The following USP24 variants were observed in gnomAD, a reference collection of about 807,000 sequenced individuals.
The protein encoded by USP24 is ubiquitin specific peptidase 24, also known as ubiquitin carboxyl-terminal hydrolase 24.
Under a neutral mutation model 361.6 loss-of-function variants are expected in USP24, and 97 were observed. The observed-to-expected ratio is 0.27, with a 90% CI of 0.23 to 0.32. The LOEUF (loss-of-function observed/expected upper bound fraction) is 0.32, where lower values mean the gene tolerates loss of function less well. USP24 is among the 10% of genes least tolerant of loss of function. USP24 has a pLI of 1.00. For synonymous variants in USP24, 1,098 were observed against 1,124.6 expected (o/e 0.98, Z 0.47); for missense variants, 2,353 against 3,165.6 (o/e 0.74, Z 6.16).
Position 55,124,605 on chromosome 1 carries a change from A to C in USP24, c.3984T>G (p.Thr1328=). Residue 1328 remains threonine (T), a synonymous_variant, in exon 35 of 68, where the codon ACT becomes ACG. Coordinates refer to ENST00000294383, the MANE Select transcript of USP24 (RefSeq NM_015306.3). ...ATCTCATGAAGCAAGCCACAGTAGA[A>C]GTGAAATCACTTACTTCCATTGTCT... The part of the protein sequence containing the change: ...AIQTMEVSDF[T]STVACFMRLS... 1 of 1,613,992 alleles carries C rather than the reference A, an allele frequency of 6.2e-7. No individual in the cohort carries two copies. Among genetic ancestry groups the C allele is most frequent in the African/African-American group, 1.3e-5 (1 of 75,056 alleles).
rs1267051286 is a variant in USP24, at chr1:55,134,392, C to T, written c.3223G>A (p.Val1075Met). ...MEQEKSLPGV[V>M]MALVCNVFDM... Reference sequence around the variant, plus strand: ...AATACGTTACATACGAGAGCCATCACTACACCAGGGAGGGATTTCTCCTGA... The same window carrying T: ...AATACGTTACATACGAGAGCCATCATTACACCAGGGAGGGATTTCTCCTGA... Residue 1075 changes from valine (V) to methionine (M), a missense_variant, in exon 29 of 68, where the codon GTG becomes ATG. This residue lies in a region of USP24 where 949 missense variants were observed against 1,280.5 expected (regional missense o/e 0.74). Coordinates refer to ENST00000294383, the MANE Select transcript of USP24 (RefSeq NM_015306.3). The T allele has an allele frequency of 6.2e-7, 1 of 1,611,976 alleles. No homozygotes were observed. The highest frequency in any genetic ancestry group is 1.7e-5 in the Admixed American group (1 of 59,888).
At chr1:55,106,850 C>A (rs1463230517) in intron 40 of USP24, among the ~76,000 whole-genome samples, 1 of 152,086 alleles carries the variant, frequency 6.6e-6, no homozygotes, top group Non-Finnish European at 1.5e-5. Context: ...CTCATATGTA[C>A]CCCACCACTG....
At chr1:55,088,341 T>C (rs554718703) in intron 55 of USP24, among the ~76,000 whole-genome samples, 1 of 152,322 alleles carries the variant, frequency 6.6e-6, no homozygotes, top group Non-Finnish European at 1.5e-5. Flanking sequence ...CTGAATTCCC[T>C]GTTGTGTGTT....
chr1:55,106,189 G>A lies in USP24; in HGVS notation c.4837C>T (p.Pro1613Ser). The change falls in exon 41 of 68, where the codon CCA becomes TCA. Residue 1613 changes from proline (P) to serine (S), a missense_variant. Physicochemically the swap from Pro to Ser is moderately conservative, Grantham distance 74. Transcript: ENST00000294383. ...ASRIILNSHS[P>S]AGSAAISQQD... The stretch of plus-strand genomic sequence containing the variant: ...TGACTGATGGCGGCACTGCCAGCTG[G>A]AGAATGACTATTTAAAATAATTCTA... 6.2e-7 allele frequency: 1 copy of A among 1,613,988 alleles called. No individual in the cohort carries two copies.
At chr1:55,106,024 G>A (rs1645762970) in intron 41 of USP24, 122 bp downstream of exon 41, 2 of 782,942 alleles carry the variant, frequency 2.6e-6, no homozygotes, top group African/African-American at 3.5e-5. Flanking sequence ...TCATTTAGTG[G>A]ATAATATAGG....
At chr1:55,163,589 A>AT (rs1446840973) in intron 7 of USP24, among the ~76,000 whole-genome samples, 1 of 152,092 alleles carries the variant, frequency 6.6e-6, no homozygotes, top group Non-Finnish European at 1.5e-5. Context: ...AACATTAAAG[A>AT]TTGAAAATAT....
chr1:55,166,585 C>A lies in USP24; in HGVS notation c.844G>T (p.Val282Leu). The A allele has an allele frequency of 3.8e-6, 6 of 1,594,574 alleles. No individual in the cohort carries two copies. The highest frequency in any genetic ancestry group is 5.1e-6 in the Non-Finnish European group (6 of 1,170,084). ...TFQKEPHGWV[V>L]DLVNKFGELG... ...TCATATACCTTATTTACCAAATCCA[C>A]AACCCATCCATGAGGCTCCTATGAG... The change falls in exon 6 of 68, where the codon GTG becomes TTG. Residue 282 changes from valine (V) to leucine (L), a missense_variant. Val to Leu is a conservative substitution (Grantham distance 32). This residue lies in a region of USP24 where 386 missense variants were observed against 560.5 expected (regional missense o/e 0.69). Coordinates refer to ENST00000294383, the MANE Select transcript of USP24 (RefSeq NM_015306.3).
At chr1:55,147,539 T>C (rs934672411) in intron 18 of USP24, 110 bp downstream of exon 18, 21 of 1,187,716 alleles carry the variant, frequency 1.8e-5, no homozygotes, top group Non-Finnish European at 2.3e-5. Context: ...CAAAGATACC[T>C]CATACAACCT....
chr1:55,096,950 A>G lies in USP24; in HGVS notation c.5936+2T>C. 1 of 1,612,616 alleles carries G rather than the reference A, an allele frequency of 6.2e-7. No homozygotes were observed. The highest frequency in any genetic ancestry group is 8.5e-7 in the Non-Finnish European group (1 of 1,179,222). On this transcript the variant is annotated splice_donor_variant, in intron 49 of 67. Coordinates refer to ENST00000294383, the MANE Select transcript of USP24 (RefSeq NM_015306.3). LOFTEE classifies it high-confidence loss of function. Reference sequence around the variant, plus strand: ...GTAAGTGCTGCCTCAGGAAACTCTTACCGCCTGTCCTTAATGAAGGAATAG... The same window carrying G: ...GTAAGTGCTGCCTCAGGAAACTCTTGCCGCCTGTCCTTAATGAAGGAATAG...
In USP24 at chr1:55,193,052, G is replaced by A. The variant is rs147830519; in HGVS notation, c.325-14920C>T. Among the ~76,000 whole-genome samples the A allele has an allele frequency of 3.2e-3, 492 of 152,246 alleles. 2 individuals carry two copies. Among genetic ancestry groups the A allele is most frequent in the African/African-American group, 0.012 (483 of 41,542 alleles). On this transcript the variant is annotated intron_variant, in intron 1 of 67. Coordinates refer to ENST00000294383, the MANE Select transcript of USP24 (RefSeq NM_015306.3). ...GTTGCATTTGTATTGAACGGATCTA[G>A]ACATTTTTTTCTTGTCATTAGTCCT...
intron 30 of USP24, 27 bp from the exon 31 acceptor site, chr1:55,132,727 T>C (rs774188295): frequency 6.3e-7 from 1 of 1,592,286 alleles, no homozygotes; most frequent in East Asian, 2.3e-5. Context: ...GAGAAAGACA[T>C]AAACTACTTA....
In USP24 at chr1:55,183,354, A is replaced by G. The variant is rs138012617; in HGVS notation, c.325-5222T>C. On this transcript the variant is annotated intron_variant, in intron 1 of 67. Transcript: ENST00000294383. Reference sequence around the variant, plus strand: ...ATACACATTTTATACACACATGCACATTATATATGTCTGTATATCTAAATA... The same window carrying G: ...ATACACATTTTATACACACATGCACGTTATATATGTCTGTATATCTAAATA... 3.8e-3 allele frequency among the ~76,000 whole-genome samples: 582 copies of G among 152,358 alleles called. 5 individuals carry two copies. The highest frequency in any genetic ancestry group is 0.013 in the African/African-American group (545 of 41,582).
In USP24 at chr1:55,194,949, T is replaced by C. The variant is rs544983908; in HGVS notation, c.325-16817A>G. On this transcript the variant is annotated intron_variant, in intron 1 of 67. Coordinates refer to ENST00000294383, the MANE Select transcript of USP24 (RefSeq NM_015306.3). ...GCAATACTCATATAACTGCCATTCC[T>C]TCTACCAGTCCATATCACCACTCCC... 3.7e-4 allele frequency among the ~76,000 whole-genome samples: 57 copies of C among 152,264 alleles called. 1 individual carries two copies. The highest frequency in any genetic ancestry group is 1.3e-3 in the African/African-American group (55 of 41,542).
chr1:55,113,180 T>C (rs1408678302), intron 38 of USP24, among the ~76,000 whole-genome samples: 1 of 151,882 alleles, frequency 6.6e-6, no homozygotes, highest in African/African-American at 2.4e-5. Context: ...TCAAATAGAA[T>C]AAAAAATGAT....
At chr1:55,128,175 G>A (rs80211753) in intron 32 of USP24, among the ~76,000 whole-genome samples, 1,943 of 152,118 alleles carry the variant, frequency 0.013, 37 homozygotes, top group African/African-American at 0.044. Context: ...AGAAACCACA[G>A]GGCCATTTTA....
At chr1:55,092,683 C>G in intron 53 of USP24, 138 bp downstream of exon 53, 1 of 627,998 alleles carries the variant, frequency 1.6e-6, no homozygotes, top group Non-Finnish European at 2.7e-6. Flanking sequence ...CCAATACGGG[C>G]TACATTCACG....
At chr1:55,164,112 A>G (rs1648576092) in intron 7 of USP24, among the ~76,000 whole-genome samples, 1 of 152,032 alleles carries the variant, frequency 6.6e-6, no homozygotes, top group Non-Finnish European at 1.5e-5. Context: ...ATTTGCAGAA[A>G]TATATCACTT....
chr1:55,071,759 GA>G, intron 67 of USP24, 54 bp downstream of exon 67: 1 of 1,518,718 alleles, frequency 6.6e-7, no homozygotes, highest in South Asian at 1.2e-5. Context: ...ATTCTTTTTG[GA>G]AAGCTTAAGA....
At chr1:55,199,464 C>T (rs535489403) in intron 1 of USP24, among the ~76,000 whole-genome samples, 2 of 151,990 alleles carry the variant, frequency 1.3e-5, no homozygotes, top group South Asian at 4.2e-4. Context: ...ATGTTAAATT[C>T]CTTTGGTAGG....
Sources: gnomAD v4.1 joint callset for allele counts (sites outside exome capture counted in the v4.1 genomes callset) on GRCh38, gnomAD v4.1.1 for gene constraint, gnomAD v4.1.1 regional missense constraint, MANE v1.5 for transcripts, NCBI Gene and HGNC (gene_info 2026-07-23, HGNC 2026-07-21) for gene names.